Variants in NAV2 observed in about 807,000 individuals in gnomAD.
NAV2 encodes helicase, APC down-regulated 1.
A neutral mutation model predicts 223.2 loss-of-function variants in NAV2; 54 were observed. That is an observed-to-expected ratio of 0.24 (90% CI 0.19 to 0.30). NAV2 has a LOEUF of 0.30. NAV2 is among the 10% of genes least tolerant of loss of function. The pLI is 1.00. For synonymous variants in NAV2, 1,279 were observed against 1,239.3 expected, an observed-to-expected ratio of 1.03 and a Z score of -0.67; for missense variants, 2,806 against 3,147.5, an observed-to-expected ratio of 0.89 and a Z score of 2.60.
At chr11:19,618,354 C>CTGGATGGA (rs371135207) in intron 1 of NAV2, among the ~76,000 whole-genome samples, 147 of 106,166 alleles carry the variant, frequency 1.4e-3, no homozygotes, top group African/African-American at 4.3e-3. Flanking sequence ...TGATGGATTG[C>CTGGATGGA]TGGATGGATG....
intron 1 of NAV2, among the ~76,000 whole-genome samples, chr11:19,389,903 C>T (rs1391892287): frequency 6.6e-6 from 1 of 152,182 alleles, no homozygotes; most frequent in Non-Finnish European, 1.5e-5. Flanking sequence ...GCTGGTCAGA[C>T]CAGGAAAACT....
intron 6 of NAV2, among the ~76,000 whole-genome samples, chr11:19,924,110 A>G (rs1033416942): frequency 2.6e-5 from 4 of 152,132 alleles, no homozygotes; most frequent in Non-Finnish European, 5.9e-5. Context: ...TTAAGAATTT[A>G]TTCTCTTTTT....
intron 6 of NAV2, among the ~76,000 whole-genome samples, chr11:19,921,002 G>A (rs1385149895): frequency 6.6e-6 from 1 of 152,178 alleles, no homozygotes; most frequent in African/African-American, 2.4e-5. Flanking sequence ...TGATTTAGGT[G>A]AGTAAAGCTA....
At chr11:19,594,663 T>G (rs941695011) in intron 1 of NAV2, among the ~76,000 whole-genome samples, 5 of 151,868 alleles carry the variant, frequency 3.3e-5, no homozygotes, top group African/African-American at 1.2e-4. Flanking sequence ...GCTGGCAGAG[T>G]GATTGTATAG....
chr11:19,423,207 A>T (rs1850689620), intron 1 of NAV2, among the ~76,000 whole-genome samples: 1 of 152,234 alleles, frequency 6.6e-6, no homozygotes, highest in Non-Finnish European at 1.5e-5. Context: ...AATCTCTTTG[A>T]GCTTTTGTAT....
chr11:20,091,167 A>G (rs957022848), intron 27 of NAV2, 149 bp downstream of exon 27: 1 of 719,736 alleles, frequency 1.4e-6, no homozygotes. Flanking sequence ...CCTCCCACAC[A>G]TTGCTCAAAG....
chr11:19,912,680 T>A (rs2043414438), intron 6 of NAV2, among the ~76,000 whole-genome samples: 1 of 152,228 alleles, frequency 6.6e-6, no homozygotes, highest in Non-Finnish European at 1.5e-5. Context: ...CTTCTAACCC[T>A]GGTGTAAATT....
intron 11 of NAV2, among the ~76,000 whole-genome samples, chr11:20,006,904 A>G (rs2053129086): frequency 6.6e-6 from 1 of 152,098 alleles, no homozygotes; most frequent in Non-Finnish European, 1.5e-5. Context: ...TAATTTGCAC[A>G]TAATTGGTGG....
rs114034571 is a variant in NAV2 at position 19,527,733 on chromosome 11, A to T, written c.75+176706A>T. Among the ~76,000 whole-genome samples, 983 of 151,866 alleles carry T rather than the reference A, an allele frequency of 6.5e-3. 9 individuals carry two copies. The highest frequency in any genetic ancestry group is 0.023 in the African/African-American group (952 of 41,364). ...CTCACAGTATTTTGCAAAGTATATG[A>T]TGTCTTTTTGTCTGTCTTAGGGTCC... On this transcript the variant is annotated intron_variant, in intron 1 of 37. Coordinates refer to the NAV2 transcript ENST00000360655.
At chr11:19,436,028 A>G (rs1851203233) in intron 1 of NAV2, among the ~76,000 whole-genome samples, 1 of 151,944 alleles carries the variant, frequency 6.6e-6, no homozygotes, top group Non-Finnish European at 1.5e-5. Flanking sequence ...TCGTCTCTTC[A>G]TTCTATTAAT....
At chr11:19,374,819 G>T (rs560487697) in intron 1 of NAV2, among the ~76,000 whole-genome samples, 23 of 152,272 alleles carry the variant, frequency 1.5e-4, no homozygotes, top group Admixed American at 5.2e-4. Context: ...GACTCCCATT[G>T]TATTACTCAA....
intron 11 of NAV2, among the ~76,000 whole-genome samples, chr11:19,990,783 T>C (rs1354399132): frequency 1.3e-5 from 2 of 152,202 alleles, no homozygotes; most frequent in Non-Finnish European, 2.9e-5. Flanking sequence ...GGTTTCTTAA[T>C]CACACTAGCC....
chr11:19,836,141 ATGT>A (rs1328230124), intron 2 of NAV2, among the ~76,000 whole-genome samples: 57 of 152,210 alleles, frequency 3.7e-4, no homozygotes, highest in Non-Finnish European at 7.9e-4. Context: ...GGTGGCCCGA[ATGT>A]TTCCCCTTCT....
intron 3 of NAV2, among the ~76,000 whole-genome samples, chr11:19,864,601 A>G (rs2061981425): frequency 6.6e-6 from 1 of 152,150 alleles, no homozygotes; most frequent in Non-Finnish European, 1.5e-5. Flanking sequence ...TGGTGGGGAA[A>G]TACTTCAGGA....
chr11:19,935,920 C>G (rs2045857634), intron 7 of NAV2, among the ~76,000 whole-genome samples: 1 of 135,360 alleles, frequency 7.4e-6, no homozygotes, highest in Non-Finnish European at 1.5e-5. Context: ...TGCAGTGGCA[C>G]CATCTCAGCT....
At chr11:19,905,628 G>A (rs955498549) in intron 6 of NAV2, among the ~76,000 whole-genome samples, 1 of 152,134 alleles carries the variant, frequency 6.6e-6, no homozygotes, top group Non-Finnish European at 1.5e-5. Context: ...AACCTTCTTA[G>A]GGGGCCAGGA....
At chr11:19,547,506 G>A (rs541813497) in intron 1 of NAV2, among the ~76,000 whole-genome samples, 213 of 152,194 alleles carry the variant, frequency 1.4e-3, no homozygotes, top group Middle Eastern at 0.01. Context: ...TTGGCTGCAG[G>A]AGCCTGAAGT....
chr11:19,863,021 G>A (rs1158619393), intron 3 of NAV2, among the ~76,000 whole-genome samples: 1 of 152,118 alleles, frequency 6.6e-6, no homozygotes, highest in Non-Finnish European at 1.5e-5. Context: ...GACCACAAAT[G>A]TTGATATCTG....
intron 1 of NAV2, among the ~76,000 whole-genome samples, chr11:19,695,568 A>G (rs1350293031): frequency 1.3e-5 from 2 of 152,176 alleles, no homozygotes; most frequent in Non-Finnish European, 2.9e-5. Context: ...ATTGTCATAA[A>G]GAGTTTTGTC....
Sources: allele counts gnomAD v4.1 joint callset (sites outside exome capture counted in the v4.1 genomes callset), GRCh38; gene constraint gnomAD v4.1.1; transcripts MANE v1.5; gene names NCBI Gene and HGNC (gene_info 2026-07-23, HGNC 2026-07-21).